Variants in ROCK1 observed in about 807,000 individuals in gnomAD.
The protein encoded by ROCK1 is Rho associated coiled-coil containing protein kinase 1, also known as rho-associated protein kinase 1.
A neutral mutation model predicts 196.8 loss-of-function variants in ROCK1; 36 were observed. The observed-to-expected ratio is 0.18, with a 90% CI of 0.14 to 0.24. The LOEUF is 0.24. Ranked by LOEUF, ROCK1 falls within the 10% of genes least tolerant of loss-of-function variation. The probability of loss-of-function intolerance (pLI) is 1.00; values close to 1 mark genes in which losing one functional copy is unlikely to be tolerated. For missense variants in ROCK1, 920 were observed against 1,562.0 expected, an observed-to-expected ratio of 0.59 and a Z score of 6.93; for synonymous variants, 443 against 515.9, an observed-to-expected ratio of 0.86 and a Z score of 1.91.
At chr18:21,062,786 T>C (rs2036302709) in intron 2 of ROCK1, among the ~76,000 whole-genome samples, 1 of 152,082 alleles carries the variant, frequency 6.6e-6, no homozygotes, top group African/African-American at 2.4e-5. Context: ...GAAACCCTCA[T>C]AAAGCTGGAA....
intron 2 of ROCK1, among the ~76,000 whole-genome samples, chr18:21,060,879 A>C (rs192531005): frequency 1.3e-5 from 2 of 151,706 alleles, no homozygotes; most frequent in Non-Finnish European, 2.9e-5. Context: ...TCATGCAAAA[A>C]CTTGTACACG....
At chr18:21,011,432 C>T (rs1443754815) in intron 13 of ROCK1, among the ~76,000 whole-genome samples, 1 of 152,066 alleles carries the variant, frequency 6.6e-6, no homozygotes, top group African/African-American at 2.4e-5. Flanking sequence ...AAAGTATAAA[C>T]ATCTTCCCTT....
At chr18:20,972,804 G>A (rs529199446) in intron 22 of ROCK1, among the ~76,000 whole-genome samples, 4 of 152,250 alleles carry the variant, frequency 2.6e-5, no homozygotes, top group South Asian at 2.1e-4. Context: ...GAAAGAAGAC[G>A]GTGGAAGATA....
At chr18:20,956,057 T>C (rs1305785749) in intron 29 of ROCK1, among the ~76,000 whole-genome samples, 2 of 152,098 alleles carry the variant, frequency 1.3e-5, no homozygotes, top group African/African-American at 2.4e-5. Context: ...GAGAAAGGCA[T>C]ACAGATTGGA....
At chr18:21,020,390 A>G (rs1164009606) in intron 11 of ROCK1, 151 bp from the exon 12 acceptor site, 1 of 464,160 alleles carries the variant, frequency 2.2e-6, no homozygotes, top group African/African-American at 2.0e-5. Context: ...TTATTAATTT[A>G]ACAAGCACTT....
At position 20,979,873 on chromosome 18, in the gene ROCK1, C is replaced by T. The variant is rs763786385; in HGVS notation, c.2654+37G>A. The T allele has an allele frequency of 9.4e-5, 141 of 1,507,354 alleles. 2 individuals are homozygous for T. The highest frequency in any genetic ancestry group is 4.3e-5 in the Non-Finnish European group (48 of 1,125,156). 93.4% of individuals were successfully genotyped at this position (1,507,354 alleles called of 1,614,324 possible). ...ACTTAAAACTTAAGAATGCCTGTTG[C>T]AGTACTGATTCTTGTTCTAAAGTAA... On this transcript the variant is annotated intron_variant, in intron 22 of 32. Coordinates refer to ENST00000399799, the MANE Select transcript of ROCK1 (RefSeq NM_005406.3).
intron 16 of ROCK1, among the ~76,000 whole-genome samples, chr18:20,996,306 C>A (rs1244312596): frequency 1.3e-5 from 2 of 152,006 alleles, no homozygotes; most frequent in Non-Finnish European, 2.9e-5. Flanking sequence ...CTCTTACCAG[C>A]AGAAATGTTC....
chr18:21,071,642 A>G (rs1598552024), intron 1 of ROCK1, among the ~76,000 whole-genome samples: 1 of 152,200 alleles, frequency 6.6e-6, no homozygotes, highest in Non-Finnish European at 1.5e-5. Flanking sequence ...TCTTCACTAT[A>G]AAGTCTCACT....
At position 20,948,106 on chromosome 18, in the gene ROCK1, G is replaced by A. The variant is rs1049026544; in HGVS notation, c.*3278C>T. ...GCCTGGGCAACAAGAGCGAAACTTCGTTTCAAAACAAAAATAAAAAATTAT... is the reference window on the plus strand; with the variant it reads ...GCCTGGGCAACAAGAGCGAAACTTCATTTCAAAACAAAAATAAAAAATTAT... On this transcript the variant is annotated 3_prime_UTR_variant, in exon 33 of 33. Coordinates refer to ENST00000399799, the MANE Select transcript of ROCK1 (RefSeq NM_005406.3). 4 of 152,096 alleles carry A rather than the reference G, an allele frequency of 2.6e-5. No individual in the cohort carries two copies. The highest frequency in any genetic ancestry group is 4.8e-5 in the African/African-American group (2 of 41,384). 9.4% of individuals were successfully genotyped at this position (152,096 alleles called of 1,614,324 possible).
intron 2 of ROCK1, among the ~76,000 whole-genome samples, chr18:21,061,789 T>C (rs968431272): frequency 1.3e-5 from 2 of 152,206 alleles, no homozygotes; most frequent in African/African-American, 4.8e-5. Flanking sequence ...AAAAAGGAAC[T>C]GTACAAAGAT....
chr18:21,006,812 T>C, intron 14 of ROCK1, 22 bp from the exon 15 acceptor site: 1 of 1,409,126 alleles, frequency 7.1e-7, no homozygotes, highest in Non-Finnish European at 9.8e-7. Flanking sequence ...AAGAATAATA[T>C]ATAGAAATTA....
chr18:20,970,458 A>T lies in ROCK1; in HGVS notation c.2710T>A (p.Leu904Met), dbSNP rs1361252766. ...LAETKAESEQ[L>M]ARGLLEEQYF... ...TGTTCTTCCAGAAGGCCTCGCGCCA[A>T]CTGCTCAGACTCAGCTTTTGTTTCT... The change falls in exon 23 of 33, where the codon TTG (leucine) becomes ATG (methionine). Residue 904 changes from leucine to methionine, a missense_variant. Around this residue, in one of 6 missense-constraint regions of ROCK1, gnomAD observed 520 missense variants for 657.1 expected, o/e 0.79. Coordinates refer to ENST00000399799, the MANE Select transcript of ROCK1 (RefSeq NM_005406.3). The T allele has an allele frequency of 6.2e-7, 1 of 1,613,830 alleles. No homozygotes were observed. The highest frequency in any genetic ancestry group is 1.7e-5 in the Admixed American group (1 of 60,026).
In ROCK1 at chr18:20,979,956, T is replaced by A; in HGVS notation, c.2608A>T (p.Lys870Ter). 6.5e-7 allele frequency: 1 copy of A among 1,548,790 alleles called. No individual in the cohort carries two copies. The highest frequency in any genetic ancestry group is 8.7e-7 in the Non-Finnish European group (1 of 1,145,594). Residue 870 changes from lysine to a stop codon, truncating the protein, a stop_gained, in exon 22 of 33, where the codon AAA becomes TAA. Coordinates refer to ENST00000399799, the MANE Select transcript of ROCK1 (RefSeq NM_005406.3). LOFTEE classifies it high-confidence loss of function. Reference sequence around the variant, plus strand: ...ATTTTCTTTAAATTTTCTCTGTTTTTTTCTTCAATTTCTTCTTTAAGTTCC... The same window carrying A: ...ATTTTCTTTAAATTTTCTCTGTTTTATTCTTCAATTTCTTCTTTAAGTTCC... ...VKELKEEIEE[K>*]NRENLKKIQE...
At chr18:20,973,316 C>T (rs1164109720) in intron 22 of ROCK1, among the ~76,000 whole-genome samples, 1 of 151,182 alleles carries the variant, frequency 6.6e-6, no homozygotes, top group South Asian at 2.1e-4. Context: ...CAGTCTCTGT[C>T]GCCCAGGCTG....
chr18:20,990,562 C>T (rs1238278227), intron 18 of ROCK1, among the ~76,000 whole-genome samples: 5 of 150,906 alleles, frequency 3.3e-5, no homozygotes, highest in South Asian at 2.1e-4. Context: ...GGCATGGTGT[C>T]GGGTGCCTGT....
intron 18 of ROCK1, among the ~76,000 whole-genome samples, chr18:20,989,709 TTAAGA>T (rs1288482718): frequency 2.6e-5 from 4 of 151,766 alleles, no homozygotes; most frequent in Non-Finnish European, 4.4e-5. Flanking sequence ...AGAAAAGAAG[TTAAGA>T]TGAGATGAGA....
chr18:21,003,792 T>A (rs563068698), intron 16 of ROCK1, among the ~76,000 whole-genome samples: 8 of 152,252 alleles, frequency 5.3e-5, no homozygotes, highest in African/African-American at 1.7e-4. Context: ...AGCACTGACA[T>A]GACATTCAAG....
chr18:21,055,141 G>A (rs1293956494), intron 2 of ROCK1, among the ~76,000 whole-genome samples: 1 of 152,072 alleles, frequency 6.6e-6, no homozygotes, highest in Non-Finnish European at 1.5e-5. Context: ...TTGGCAAAAC[G>A]ACAATCCTAT....
chr18:21,085,531 T>C (rs184839320), intron 1 of ROCK1, among the ~76,000 whole-genome samples: 159 of 152,124 alleles, frequency 1.0e-3, no homozygotes, highest in African/African-American at 3.8e-3. Context: ...GACTAGAAGT[T>C]TGCATGATTT....
Sources: allele counts gnomAD v4.1 joint callset (sites outside exome capture counted in the v4.1 genomes callset), GRCh38; gene constraint gnomAD v4.1.1; regional missense constraint gnomAD v4.1.1; transcripts MANE v1.5; gene names NCBI Gene and HGNC (gene_info 2026-07-23, HGNC 2026-07-21).